The following MGAT4C variants were observed in gnomAD, a reference collection of about 807,000 sequenced individuals.
The protein encoded by MGAT4C is alpha-1,3-mannosyl-glycoprotein 4-beta-N-acetylglucosaminyltransferase C.
A neutral mutation model predicts 40.1 loss-of-function variants in MGAT4C; 19 were observed. The ratio of observed to expected loss-of-function variants is 0.47; its 90% CI spans 0.33 to 0.70. MGAT4C has a LOEUF of 0.70. MGAT4C is among the 30% of genes least tolerant of loss of function. MGAT4C has a pLI of 0.02. For missense variants in MGAT4C, 491 were observed against 563.2 expected (o/e 0.87, Z 1.30); for synonymous variants, 181 against 187.1 (o/e 0.97, Z 0.27).
chr12:86,291,066 G>T (rs1401174928), intron 4 of MGAT4C, among the ~76,000 whole-genome samples: 2 of 152,166 alleles, frequency 1.3e-5, no homozygotes, highest in African/African-American at 4.8e-5. Flanking sequence ...CACATGTTCT[G>T]CCCACTCAAG....
intron 1 of MGAT4C, among the ~76,000 whole-genome samples, chr12:86,208,649 T>C (rs1049467881): frequency 1.3e-5 from 2 of 151,638 alleles, no homozygotes; most frequent in Non-Finnish European, 3.0e-5. Flanking sequence ...TCTATTGCAG[T>C]AGAGTTTTTT....
chr12:86,685,443 G>C (rs2136587177), intron 2 of MGAT4C, among the ~76,000 whole-genome samples: 1 of 152,260 alleles, frequency 6.6e-6, no homozygotes, highest in Non-Finnish European at 1.5e-5. Context: ...CTGTAGCCTT[G>C]TAGTATAGTT....
chr12:86,567,958 A>C (rs1302654653), intron 2 of MGAT4C, among the ~76,000 whole-genome samples: 1 of 152,150 alleles, frequency 6.6e-6, no homozygotes, highest in East Asian at 1.9e-4. Flanking sequence ...TGGTCGACAA[A>C]GGATAGCTGT....
At chr12:86,809,814 TA>T (rs1440830159) in intron 1 of MGAT4C, among the ~76,000 whole-genome samples, 1 of 152,046 alleles carries the variant, frequency 6.6e-6, no homozygotes, top group Non-Finnish European at 1.5e-5. Context: ...TGTCTGGTGT[TA>T]ATCTTTTTAT....
At chr12:86,313,244 TC>T (rs1954123142) in intron 4 of MGAT4C, among the ~76,000 whole-genome samples, 1 of 152,214 alleles carries the variant, frequency 6.6e-6, no homozygotes, top group African/African-American at 2.4e-5. Context: ...TTTTAAGTAA[TC>T]TGTGTGAAAT....
intron 2 of MGAT4C, among the ~76,000 whole-genome samples, chr12:86,030,528 C>G (rs2136902619): frequency 6.6e-6 from 1 of 151,840 alleles, no homozygotes; most frequent in East Asian, 1.9e-4. Context: ...TTACTAGTAT[C>G]AAGCACTTGT....
intron 2 of MGAT4C, among the ~76,000 whole-genome samples, chr12:86,049,260 G>A (rs964737607): frequency 2.6e-5 from 4 of 151,854 alleles, no homozygotes; most frequent in African/African-American, 4.8e-5. Flanking sequence ...TGTATTTTAG[G>A]AGAAAGTTAC....
intron 1 of MGAT4C, among the ~76,000 whole-genome samples, chr12:86,819,815 G>A (rs1448816369): frequency 6.6e-6 from 1 of 150,556 alleles, no homozygotes; most frequent in East Asian, 1.9e-4. Flanking sequence ...TTAAGGCTTA[G>A]ATTTTAAAAG....
At chr12:86,470,384 CAAG>C (rs1280161864) in intron 2 of MGAT4C, among the ~76,000 whole-genome samples, 2 of 151,870 alleles carry the variant, frequency 1.3e-5, no homozygotes, top group Non-Finnish European at 2.9e-5. Context: ...TCTTGGGTGA[CAAG>C]AAGAACTGAA....
chr12:86,485,036 G>A (rs1314747768), intron 2 of MGAT4C, among the ~76,000 whole-genome samples: 1 of 152,116 alleles, frequency 6.6e-6, no homozygotes, highest in Non-Finnish European at 1.5e-5. Context: ...CCCAGGGCAA[G>A]AATCCAGCCA....
intron 1 of MGAT4C, among the ~76,000 whole-genome samples, chr12:86,790,587 A>G (rs993533164): frequency 2.0e-5 from 3 of 152,120 alleles, no homozygotes. Context: ...ATCCTGGTTG[A>G]CTGAATCACA....
At chr12:86,779,716 A>G (rs1235667912) in intron 1 of MGAT4C, among the ~76,000 whole-genome samples, 1 of 152,104 alleles carries the variant, frequency 6.6e-6, no homozygotes, top group East Asian at 1.9e-4. Flanking sequence ...GATGGAGACC[A>G]TCCTGGCTAA....
chr12:86,594,716 T>C (rs1961465945), intron 2 of MGAT4C, among the ~76,000 whole-genome samples: 1 of 152,142 alleles, frequency 6.6e-6, no homozygotes, highest in Admixed American at 6.5e-5. Flanking sequence ...CAGATCCAAA[T>C]CAGGTTCAGA....
At chr12:86,138,920 A>G (rs573231680) in intron 1 of MGAT4C, among the ~76,000 whole-genome samples, 2 of 152,078 alleles carry the variant, frequency 1.3e-5, no homozygotes, top group East Asian at 3.9e-4. Context: ...CAGTTAGACA[A>G]TAATATCCTG....
intron 2 of MGAT4C, among the ~76,000 whole-genome samples, chr12:86,596,450 T>C (rs557148978): frequency 6.6e-5 from 10 of 152,238 alleles, no homozygotes; most frequent in South Asian, 2.1e-4. Context: ...GTTTGAGGGA[T>C]AGAATTAGTT....
chr12:85,983,651 A>C lies in MGAT4C; in HGVS notation c.167T>G (p.Ile56Arg), dbSNP rs759753045. The change falls in exon 4 of 5, where the codon ATA (isoleucine) becomes AGA (arginine). Residue 56 changes from isoleucine (I) to arginine (R), a missense_variant. Coordinates refer to ENST00000611864, the MANE Select transcript of MGAT4C (RefSeq NM_001351288.2). ...SYVLEGDKQL[I>R]RETSTHQLNS... The stretch of plus-strand genomic sequence containing the variant: ...CAGTTGATGTGTGGATGTTTCCCTT[A>C]TAAGTTGTTTGTCTCCTTCCTAAAT... 1.3e-6 allele frequency: 2 copies of C among 1,585,492 alleles called. No individual in the cohort carries two copies. The highest frequency in any genetic ancestry group is 1.7e-6 in the Non-Finnish European group (2 of 1,168,084).
At chr12:86,002,270 A>G (rs1555203586) in intron 2 of MGAT4C, 2 of 152,220 alleles carry the variant, frequency 1.3e-5, no homozygotes, top group Non-Finnish European at 2.9e-5. Flanking sequence ...TATTTTATCC[A>G]GATGAGGCTT....
At chr12:86,088,597 A>C (rs551651294) in intron 1 of MGAT4C, among the ~76,000 whole-genome samples, 2 of 152,218 alleles carry the variant, frequency 1.3e-5, no homozygotes, top group East Asian at 3.9e-4. Context: ...AAGAGAAGAC[A>C]TATACACAGA....
Position 86,749,530 on chromosome 12 carries a change from A to G in MGAT4C, c.-261-22289T>C, listed in dbSNP as rs549769767. Among the ~76,000 whole-genome samples the G allele has an allele frequency of 4.0e-5, 6 of 151,852 alleles. 1 individual carries two copies. In the East Asian group the frequency reaches 1.2e-3, roughly 30 times the overall value. On this transcript the variant is annotated intron_variant, in intron 1 of 7. Transcript: ENST00000548651. ...TTATAAATTAGGTAACAGAAAGAAA[A>G]CCAAACAATGTATCAGATTTTAAAA...
Sources: allele counts gnomAD v4.1 joint callset (sites outside exome capture counted in the v4.1 genomes callset), GRCh38; gene constraint gnomAD v4.1.1; transcripts MANE v1.5; gene names NCBI Gene and HGNC (gene_info 2026-07-23, HGNC 2026-07-21).